BTBD9: variants seen among roughly 807,000 people sequenced by gnomAD.
BTBD9 encodes the protein BTB/POZ domain-containing protein 9.
In BTBD9, 49 loss-of-function variants were observed where a neutral mutation model predicts 64.3. The ratio of observed to expected loss-of-function variants is 0.76; its 90% CI spans 0.61 to 0.97. The LOEUF is 0.97. Among genes scored for constraint, BTBD9 ranks in the 50% least tolerant of loss-of-function variants. The pLI, the probability that BTBD9 is intolerant of heterozygous loss-of-function variation, is 0.00. For missense variants in BTBD9, 598 were observed against 762.1 expected, an observed-to-expected ratio of 0.78 and a Z score of 2.53; for synonymous variants, 260 against 274.7, an observed-to-expected ratio of 0.95 and a Z score of 0.53.
At position 38,490,950 on chromosome 6, in the gene BTBD9, C is replaced by T. The variant is rs572604197; in HGVS notation, c.1154+86650G>A. Among the ~76,000 whole-genome samples, 13 of 152,176 alleles carry T rather than the reference C, an allele frequency of 8.5e-5. 1 individual carries two copies. The South Asian group carries it at 2.7e-3, about 32-fold the overall frequency. Reference sequence around the variant, plus strand: ...AATCTGACTGTGACTTCCTCTAAGCCAGTTGGGGGATTATAAATGTTGGAT... The same window carrying T: ...AATCTGACTGTGACTTCCTCTAAGCTAGTTGGGGGATTATAAATGTTGGAT... On this transcript the variant is annotated intron_variant, in intron 6 of 10. Coordinates refer to ENST00000481247, the MANE Select transcript of BTBD9 (RefSeq NM_001099272.2).
intron 7 of BTBD9, among the ~76,000 whole-genome samples, chr6:38,295,222 TG>T (rs1762114690): frequency 6.6e-6 from 1 of 152,154 alleles, no homozygotes; most frequent in African/African-American, 2.4e-5. Flanking sequence ...TGGAGTGCAG[TG>T]GTACGATCAC....
At chr6:38,234,367 G>GTATGTGACAGT (rs1763710420) in intron 9 of BTBD9, among the ~76,000 whole-genome samples, 2 of 152,288 alleles carry the variant, frequency 1.3e-5, no homozygotes, top group South Asian at 4.1e-4. Context: ...TTGGGCCCAG[G>GTATGTGACAGT]TATGTGACAG....
intron 7 of BTBD9, among the ~76,000 whole-genome samples, chr6:38,333,682 C>T (rs1763766657): frequency 1.3e-5 from 2 of 152,184 alleles, no homozygotes; most frequent in South Asian, 2.1e-4. Flanking sequence ...CTGTAAGTTT[C>T]GTGAAGCCTC....
At chr6:38,331,384 C>T (rs1317546523) in intron 7 of BTBD9, among the ~76,000 whole-genome samples, 4 of 152,048 alleles carry the variant, frequency 2.6e-5, no homozygotes, top group Admixed American at 2.6e-4. Flanking sequence ...GAGGCTGAGA[C>T]ATAAGAATCA....
chr6:38,299,170 C>T (rs369739826), intron 7 of BTBD9, among the ~76,000 whole-genome samples: 1 of 152,078 alleles, frequency 6.6e-6, no homozygotes, highest in Non-Finnish European at 1.5e-5. Context: ...TCCATGTCCC[C>T]ACAAAGGACA....
chr6:38,521,365 T>C (rs1244151675), intron 6 of BTBD9, among the ~76,000 whole-genome samples: 1 of 152,246 alleles, frequency 6.6e-6, no homozygotes, highest in Non-Finnish European at 1.5e-5. Flanking sequence ...TAACCATCAT[T>C]GTTACCATTC....
At chr6:38,228,021 T>C (rs1002714213) in intron 9 of BTBD9, among the ~76,000 whole-genome samples, 4 of 152,020 alleles carry the variant, frequency 2.6e-5, no homozygotes, top group East Asian at 1.9e-4. Flanking sequence ...ACTATAACAA[T>C]AGATGTCATT....
chr6:38,387,392 C>A (rs1004113185), intron 6 of BTBD9, among the ~76,000 whole-genome samples: 3 of 152,062 alleles, frequency 2.0e-5, no homozygotes, highest in African/African-American at 7.2e-5. Flanking sequence ...CAAAAATTAG[C>A]CGGGTGTAGT....
chr6:38,589,891 T>C (rs1017170458), intron 4 of BTBD9, among the ~76,000 whole-genome samples: 2 of 152,206 alleles, frequency 1.3e-5, no homozygotes. Flanking sequence ...GTCTTCCTTC[T>C]TCCTTCTCTA....
rs541699957 is a variant in BTBD9, at chr6:38,297,602, C to T, written c.1265-9141G>A. ...ATGTCAAGTAACTATAACACCTTTA[C>T]ATTGTCTACTATTTCCTTAGTATCA... is the stretch of plus-strand genomic sequence containing the variant. On this transcript the variant is annotated intron_variant, in intron 7 of 10. Coordinates refer to ENST00000481247, the MANE Select transcript of BTBD9 (RefSeq NM_001099272.2). Among the ~76,000 whole-genome samples, 6 of 152,240 alleles carry T rather than the reference C, an allele frequency of 3.9e-5. No homozygotes were observed. The South Asian group carries it at 1.2e-3, about 32-fold the overall frequency.
At chr6:38,503,189 C>T (rs539269310) in intron 6 of BTBD9, among the ~76,000 whole-genome samples, 1 of 152,214 alleles carries the variant, frequency 6.6e-6, no homozygotes, top group African/African-American at 2.4e-5. Context: ...TCCTCCATTC[C>T]TCTCATGTCT....
intron 6 of BTBD9, among the ~76,000 whole-genome samples, chr6:38,417,801 A>AGGGAGAGAGAGAG (rs56268245): frequency 7.3e-6 from 1 of 136,948 alleles, no homozygotes; most frequent in African/African-American, 3.1e-5. Flanking sequence ...AGAGAGAGAG[A>AGGGAGAGAGAGAG]AAAAAAATAT....
At chr6:38,633,850 C>A (rs1778441674) in intron 1 of BTBD9, among the ~76,000 whole-genome samples, 1 of 151,746 alleles carries the variant, frequency 6.6e-6, no homozygotes, top group Non-Finnish European at 1.5e-5. Flanking sequence ...CTCGTCATGG[C>A]CCCTTGAATA....
At chr6:38,413,821 C>T (rs1169335331) in intron 6 of BTBD9, among the ~76,000 whole-genome samples, 1 of 152,284 alleles carries the variant, frequency 6.6e-6, no homozygotes, top group East Asian at 1.9e-4. Flanking sequence ...TTCAGCCCTT[C>T]TGTCTCACTG....
chr6:38,565,248 A>T (rs1197698269), intron 6 of BTBD9, among the ~76,000 whole-genome samples: 1 of 152,206 alleles, frequency 6.6e-6, no homozygotes, highest in Non-Finnish European at 1.5e-5. Context: ...GAGTTTCTCA[A>T]CCTTGACGCT....
rs1277292975 is a variant in BTBD9 at position 38,222,254 on chromosome 6, GTTGTTTTTT to G, written c.1563-29666_1563-29658del. On this transcript the variant is annotated intron_variant, in intron 9 of 10. Coordinates refer to ENST00000481247, the MANE Select transcript of BTBD9 (RefSeq NM_001099272.2). Reference sequence around the variant, plus strand: ...TAAATTAGCCTTAATAATTCATTCAGTTGTTTTTTTTTTTTTTTTTTTTTTTGAGACAGT... The same window carrying G: ...TAAATTAGCCTTAATAATTCATTCAGTTTTTTTTTTTTTTTTTGAGACAGT... Among the ~76,000 whole-genome samples the G allele has an allele frequency of 1.2e-4, 12 of 96,702 alleles. 1 individual carries two copies. The highest frequency in any genetic ancestry group is 4.9e-4 in the African/African-American group (12 of 24,656). The allele number at this position is 96,702 out of a possible 152,430, so 63.4% of individuals were successfully genotyped here.
chr6:38,292,895 T>C (rs189081783), intron 7 of BTBD9, among the ~76,000 whole-genome samples: 15 of 152,326 alleles, frequency 9.8e-5, no homozygotes, highest in African/African-American at 1.4e-4. Flanking sequence ...TCTCTAGTTC[T>C]TTTAATTGTG....
At chr6:38,264,808 G>T (rs1764914956) in intron 8 of BTBD9, among the ~76,000 whole-genome samples, 1 of 152,192 alleles carries the variant, frequency 6.6e-6, no homozygotes, top group Non-Finnish European at 1.5e-5. Flanking sequence ...TTAAAAGTGT[G>T]TGAAGTAGAC....
intron 6 of BTBD9, among the ~76,000 whole-genome samples, chr6:38,369,740 T>C (rs895895004): frequency 3.3e-5 from 5 of 152,236 alleles, no homozygotes; most frequent in Non-Finnish European, 7.3e-5. Context: ...CCGCGCTACC[T>C]GTTCTCTTGG....
Sources: allele counts gnomAD v4.1 joint callset (sites outside exome capture counted in the v4.1 genomes callset), GRCh38; gene constraint gnomAD v4.1.1; transcripts MANE v1.5; gene names NCBI Gene and HGNC (gene_info 2026-07-23, HGNC 2026-07-21).